ARAP2: variants seen among roughly 807,000 people sequenced by gnomAD.
ARAP2 encodes arf-GAP with Rho-GAP domain, ANK repeat and PH domain-containing protein 2.
Under a neutral mutation model 194.5 loss-of-function variants are expected in ARAP2, and 148 were observed. That is an observed-to-expected ratio of 0.76 (90% confidence interval 0.67 to 0.87). The LOEUF (loss-of-function observed/expected upper bound fraction) is 0.87. Ranked by LOEUF, ARAP2 falls within the 40% of genes least tolerant of loss-of-function variation. ARAP2 has a pLI of 0.00. For missense variants in ARAP2, 2,128 were observed against 1,989.7 expected (o/e 1.07, Z -1.32); for synonymous variants, 695 against 683.5 (o/e 1.02, Z -0.26).
intron 6 of ARAP2, among the ~76,000 whole-genome samples, 161 bp from the exon 7 acceptor site, chr4:36,193,808 G>GA (rs1389859381): frequency 6.6e-6 from 1 of 152,094 alleles, no homozygotes; most frequent in African/African-American, 2.4e-5. Context: ...TGGCACATAG[G>GA]AAAAAATAGC....
Position 36,124,869 on chromosome 4 carries a change from G to A in ARAP2, c.3739C>T (p.Leu1247=), listed in dbSNP as rs1468579126. ...GTTCATTCATCTACCCACCTATACAGGTGTTCAATGATAGCTGCTAGTGTT... is the reference window on the plus strand; with the variant it reads ...GTTCATTCATCTACCCACCTATACAAGTGTTCAATGATAGCTGCTAGTGTT... ...RATLAAIIEH[L]YRVQKCSEIN... Residue 1247 remains leucine (L), a synonymous_variant, in exon 22 of 33, where the codon CTG becomes TTG. Transcript: ENST00000303965. 5 of 1,602,720 alleles carry A rather than the reference G, an allele frequency of 3.1e-6. No individual in the cohort carries two copies. Among genetic ancestry groups the A allele is most frequent in the African/African-American group, 1.3e-5 (1 of 74,574 alleles).
chr4:36,147,373 G>A lies in ARAP2; in HGVS notation c.3200-14C>T. 6.2e-7 allele frequency: 1 copy of A among 1,611,888 alleles called. No individual in the cohort carries two copies. The highest frequency in any genetic ancestry group is 8.5e-7 in the Non-Finnish European group (1 of 1,178,682). On this transcript the variant is annotated splice_polypyrimidine_tract_variant and intron_variant, in intron 18 of 32. Coordinates refer to ENST00000303965, the MANE Select transcript of ARAP2 (RefSeq NM_015230.4). ...TTGTGCTGATTGCTGAAGGGAGAAT[G>A]AAAAGCAAAAATTTATTTTTTAAAA...
chr4:36,073,844 G>A lies in ARAP2; in HGVS notation c.4609-21C>T, dbSNP rs1727615413. The A allele has an allele frequency of 6.8e-6, 11 of 1,611,652 alleles. No individual in the cohort carries two copies. In the East Asian group the frequency reaches 1.8e-4, roughly 26 times the overall value. On this transcript the variant is annotated intron_variant, in intron 31 of 32. Coordinates refer to ENST00000303965, the MANE Select transcript of ARAP2 (RefSeq NM_015230.4). ...TCATGCTGTGGAAACACAATTTCTT[G>A]CTGTTGGTGTGTGATTTTATTATGT...
At chr4:36,125,019 T>C in intron 21 of ARAP2, 52 bp from the exon 22 acceptor site, 1 of 1,195,612 alleles carries the variant, frequency 8.4e-7, no homozygotes, top group Non-Finnish European at 1.2e-6. Flanking sequence ...ATCTATGTTA[T>C]GGATTTGTCT....
chr4:36,038,833 T>G (rs929999948), intron 5 of ARAP2, among the ~76,000 whole-genome samples: 1 of 152,196 alleles, frequency 6.6e-6, no homozygotes, highest in African/African-American at 2.4e-5. Flanking sequence ...TATTCAACAG[T>G]GACTGAATTG....
intron 28 of ARAP2, among the ~76,000 whole-genome samples, chr4:36,089,084 T>A (rs1010743245): frequency 1.3e-5 from 2 of 152,068 alleles, no homozygotes; most frequent in Admixed American, 1.3e-4. Flanking sequence ...AAAGAACATT[T>A]CTATCTAGAA....
At chr4:36,157,144 T>C (rs1732756266) in intron 15 of ARAP2, among the ~76,000 whole-genome samples, 1 of 152,172 alleles carries the variant, frequency 6.6e-6, no homozygotes, top group African/African-American at 2.4e-5. Context: ...TGAAAAGCCT[T>C]AGGAAGAAAA....
At chr4:36,089,318 G>A (rs1445820296) in intron 28 of ARAP2, among the ~76,000 whole-genome samples, 1 of 152,100 alleles carries the variant, frequency 6.6e-6, no homozygotes, top group South Asian at 2.1e-4. Context: ...TTGTTGCTGA[G>A]TAGTATTCCA....
chr4:36,175,228 G>A (rs562888515), intron 9 of ARAP2, among the ~76,000 whole-genome samples: 1 of 152,234 alleles, frequency 6.6e-6, no homozygotes, highest in Non-Finnish European at 1.5e-5. Context: ...CAAGATTACT[G>A]TGTGTGTTTG....
At chr4:36,010,647 C>A (rs1218580630) in intron 9 of ARAP2, among the ~76,000 whole-genome samples, 1 of 152,100 alleles carries the variant, frequency 6.6e-6, no homozygotes, top group Non-Finnish European at 1.5e-5. Context: ...GGACCTAAGT[C>A]TTTTTTCAAA....
chr4:36,203,204 T>G (rs1441150600), intron 6 of ARAP2, among the ~76,000 whole-genome samples: 1 of 152,174 alleles, frequency 6.6e-6, no homozygotes, highest in Non-Finnish European at 1.5e-5. Flanking sequence ...GACTCAGGCA[T>G]GGCTATATTA....
chr4:36,038,028 C>T (rs962845535), intron 5 of ARAP2, among the ~76,000 whole-genome samples: 3 of 152,156 alleles, frequency 2.0e-5, no homozygotes, highest in Non-Finnish European at 4.4e-5. Context: ...TCTTCTCCTT[C>T]GGCCACCATT....
At chr4:36,207,815 T>A (rs1355726328) in intron 6 of ARAP2, among the ~76,000 whole-genome samples, 2 of 152,154 alleles carry the variant, frequency 1.3e-5, no homozygotes, top group African/African-American at 4.8e-5. Context: ...ACCCTGTTAA[T>A]GTTTATCAGT....
At chr4:36,211,881 G>A (rs909610391) in intron 5 of ARAP2, among the ~76,000 whole-genome samples, 1 of 151,994 alleles carries the variant, frequency 6.6e-6, no homozygotes. Flanking sequence ...CAGGTAATGT[G>A]CCAGTATGCC....
chr4:36,159,303 C>T, intron 14 of ARAP2, 28 bp downstream of exon 14: 1 of 1,545,510 alleles, frequency 6.5e-7, no homozygotes, highest in Middle Eastern at 1.7e-4. Context: ...TCAGAAGAGA[C>T]CAGGTTAATG....
intron 2 of ARAP2, among the ~76,000 whole-genome samples, chr4:36,055,985 G>T (rs1723440202): frequency 6.6e-6 from 1 of 152,176 alleles, no homozygotes; most frequent in Non-Finnish European, 1.5e-5. Flanking sequence ...GGGAGCAAAA[G>T]CTAAGTTCAT....
intron 1 of ARAP2, chr4:36,243,543 T>A (rs1753993435): frequency 6.6e-6 from 1 of 151,892 alleles, no homozygotes; most frequent in African/African-American, 2.4e-5. Flanking sequence ...TCAAAATAAC[T>A]CCAGATCACC....
chr4:36,204,593 G>GC (rs1745120503), intron 6 of ARAP2, among the ~76,000 whole-genome samples: 1 of 152,182 alleles, frequency 6.6e-6, no homozygotes, highest in African/African-American at 2.4e-5. Context: ...AGTTTTCTTA[G>GC]CGGGCTACAG....
intron 11 of ARAP2, among the ~76,000 whole-genome samples, chr4:36,162,827 A>G (rs1734407886): frequency 6.6e-6 from 1 of 152,176 alleles, no homozygotes; most frequent in Non-Finnish European, 1.5e-5. Context: ...TGGAGCAGAC[A>G]GATTGAGAGA....
Sources: gnomAD v4.1 joint callset for allele counts (sites outside exome capture counted in the v4.1 genomes callset) on GRCh38, gnomAD v4.1.1 for gene constraint, MANE v1.5 for transcripts, NCBI Gene and HGNC (gene_info 2026-07-23, HGNC 2026-07-21) for gene names.